The following DICER1 variants were observed in gnomAD, a reference collection of about 807,000 sequenced individuals.
The protein encoded by DICER1 is dicer 1, ribonuclease III.
A neutral mutation model predicts 194.1 loss-of-function variants in DICER1; 43 were observed. That is an observed-to-expected ratio of 0.22 (90% confidence interval 0.17 to 0.29). DICER1 has a LOEUF of 0.29. Ranked by LOEUF, DICER1 falls within the 10% of genes least tolerant of loss-of-function variation. The pLI, the probability that DICER1 is intolerant of heterozygous loss-of-function variation, is 1.00. For synonymous variants in DICER1, 832 were observed against 820.5 expected, an observed-to-expected ratio of 1.01 and a Z score of -0.24; for missense variants, 1,608 against 2,317.0, an observed-to-expected ratio of 0.69 and a Z score of 6.28.
At chr14:95,154,780 G>T (rs949111252) in intron 1 of DICER1, among the ~76,000 whole-genome samples, 4 of 148,612 alleles carry the variant, frequency 2.7e-5, no homozygotes, top group African/African-American at 7.5e-5. Flanking sequence ...TGCTGGTAAT[G>T]ACTAAAAACA....
chr14:95,119,731 A>G (rs1892779682), intron 8 of DICER1, among the ~76,000 whole-genome samples: 2 of 152,222 alleles, frequency 1.3e-5, no homozygotes, highest in African/African-American at 4.8e-5. Flanking sequence ...TAAATTTCCA[A>G]TCCATCAGAG....
At chr14:95,148,219 A>G (rs1483426608) in intron 1 of DICER1, among the ~76,000 whole-genome samples, 2 of 152,058 alleles carry the variant, frequency 1.3e-5, no homozygotes, top group Non-Finnish European at 2.9e-5. Context: ...GGTTTTTATG[A>G]AGACTCATTA....
chr14:95,107,549 C>A, intron 17 of DICER1, 59 bp downstream of exon 17: 3 of 1,581,820 alleles, frequency 1.9e-6, no homozygotes, highest in Non-Finnish European at 2.6e-6. Flanking sequence ...CGTGCCCGAC[C>A]TAGTGCATCT....
At chr14:95,140,442 T>A (rs1290067238) in intron 1 of DICER1, among the ~76,000 whole-genome samples, 1 of 152,124 alleles carries the variant, frequency 6.6e-6, no homozygotes, top group African/African-American at 2.4e-5. Context: ...GAACAAAAGG[T>A]CATACCATAT....
intron 1 of DICER1, among the ~76,000 whole-genome samples, chr14:95,154,383 C>T (rs1895707561): frequency 6.6e-6 from 1 of 152,178 alleles, no homozygotes; most frequent in Admixed American, 6.5e-5. Flanking sequence ...AAAGCATGGA[C>T]TCCAATGAAT....
chr14:95,113,838 G>A (rs1335698724), intron 11 of DICER1, among the ~76,000 whole-genome samples: 1 of 152,236 alleles, frequency 6.6e-6, no homozygotes, highest in Non-Finnish European at 1.5e-5. Context: ...AGCCCTGTGA[G>A]GTTGCGACCT....
chr14:95,151,859 G>T (rs1895534245), intron 1 of DICER1, among the ~76,000 whole-genome samples: 1 of 152,144 alleles, frequency 6.6e-6, no homozygotes, highest in African/African-American at 2.4e-5. Context: ...CTGCAATCTC[G>T]AAACATCTCA....
At chr14:95,141,958 T>A (rs1894850300) in intron 1 of DICER1, among the ~76,000 whole-genome samples, 1 of 152,170 alleles carries the variant, frequency 6.6e-6, no homozygotes, top group Non-Finnish European at 1.5e-5. Context: ...TCCAATTAGA[T>A]AGAAGGGATA....
At position 95,087,063 on chromosome 14, in the gene DICER1, G is replaced by A. The variant is rs565849628; in HGVS notation, c.*3435C>T. 9.4e-5 allele frequency: 22 copies of A among 232,872 alleles called. No individual in the cohort carries two copies. Among genetic ancestry groups the A allele is most frequent in the Non-Finnish European group, 1.6e-4 (19 of 117,726 alleles). 14.4% of individuals were successfully genotyped at this position (232,872 alleles called of 1,614,324 possible). ...GCAAGATCCAATATTTTAAATCAACGGGGCCTTGTGCATGAACTGCGCTCG... is the reference window on the plus strand; with the variant it reads ...GCAAGATCCAATATTTTAAATCAACAGGGCCTTGTGCATGAACTGCGCTCG... On this transcript the variant is annotated 3_prime_UTR_variant, in exon 27 of 27. Transcript: ENST00000343455.
intron 1 of DICER1, among the ~76,000 whole-genome samples, chr14:95,136,351 G>A (rs1281829627): frequency 6.6e-6 from 1 of 152,046 alleles, no homozygotes; most frequent in Admixed American, 6.5e-5. Flanking sequence ...TCAAACAGTG[G>A]CTCACTGATC....
chr14:95,150,986 C>G (rs1376761098), intron 1 of DICER1, among the ~76,000 whole-genome samples: 1 of 152,152 alleles, frequency 6.6e-6, no homozygotes, highest in Non-Finnish European at 1.5e-5. Flanking sequence ...GCCTTGGCCT[C>G]CTAAAGTGCT....
chr14:95,118,374 T>C (rs916802244), intron 8 of DICER1, among the ~76,000 whole-genome samples: 1 of 152,180 alleles, frequency 6.6e-6, no homozygotes, highest in South Asian at 2.1e-4. Context: ...AAATGTTGTA[T>C]CCTCTCAATC....
At chr14:95,099,652 T>G in intron 22 of DICER1, 128 bp downstream of exon 22, 2 of 1,248,976 alleles carry the variant, frequency 1.6e-6, no homozygotes, top group Non-Finnish European at 2.2e-6. Context: ...ATCTACTCTA[T>G]TATAAACATA....
At chr14:95,127,657 A>G (rs1893589682) in intron 6 of DICER1, among the ~76,000 whole-genome samples, 2 of 152,246 alleles carry the variant, frequency 1.3e-5, no homozygotes, top group African/African-American at 2.4e-5. Context: ...GCAGCACACC[A>G]GCACTCAAAA....
chr14:95,137,333 A>AAAGGGG (rs552010672), intron 1 of DICER1, among the ~76,000 whole-genome samples: 5 of 142,980 alleles, frequency 3.5e-5, no homozygotes, highest in Non-Finnish European at 6.1e-5. Context: ...GAGGAAAGGG[A>AAAGGGG]AAGGGGAAGG....
chr14:95,107,414 C>T (rs1402277359), intron 17 of DICER1, among the ~76,000 whole-genome samples, 194 bp downstream of exon 17: 3 of 152,010 alleles, frequency 2.0e-5, no homozygotes, highest in Non-Finnish European at 2.9e-5. Flanking sequence ...CCACGCCTGG[C>T]TAATTTTTTG....
chr14:95,155,318 C>G (rs1895777985), intron 1 of DICER1, among the ~76,000 whole-genome samples: 1 of 152,212 alleles, frequency 6.6e-6, no homozygotes, highest in Admixed American at 6.5e-5. Context: ...AAGTGAGAGA[C>G]TGTCTACGAA....
Position 95,130,754 on chromosome 14 carries a change from T to G in DICER1, c.439-562A>C, listed in dbSNP as rs528487895. 2.0e-5 allele frequency among the ~76,000 whole-genome samples: 3 copies of G among 152,338 alleles called. No individual in the cohort carries two copies. In the East Asian group the frequency reaches 5.8e-4, roughly 29 times the overall value. On this transcript the variant is annotated intron_variant, in intron 4 of 26. Transcript: ENST00000343455. ...ACACACCAAAAGCCCCAGTACATGCTGGCTACATGGAAACATGTAAGTTAG... is the reference window on the plus strand; with the variant it reads ...ACACACCAAAAGCCCCAGTACATGCGGGCTACATGGAAACATGTAAGTTAG...
chr14:95,152,494 T>C (rs1261113187), intron 1 of DICER1, among the ~76,000 whole-genome samples: 1 of 152,254 alleles, frequency 6.6e-6, no homozygotes, highest in Non-Finnish European at 1.5e-5. Context: ...GTAATGAACA[T>C]GCATGAAGAA....
Sources: gnomAD v4.1 joint callset for allele counts (sites outside exome capture counted in the v4.1 genomes callset) on GRCh38, gnomAD v4.1.1 for gene constraint, MANE v1.5 for transcripts, NCBI Gene and HGNC (gene_info 2026-07-23, HGNC 2026-07-21) for gene names.